The following SYT9 variants were observed in gnomAD, a reference collection of about 807,000 sequenced individuals.
SYT9 encodes synaptotagmin 9.
SYT9 carries 22 observed loss-of-function variants against 48.4 expected under a neutral mutation model. The ratio of observed to expected loss-of-function variants is 0.45; its 90% confidence interval spans 0.32 to 0.65. SYT9 has a LOEUF of 0.65. Ranked by LOEUF, SYT9 falls within the 30% of genes least tolerant of loss-of-function variation. The pLI, the probability that SYT9 is intolerant of heterozygous loss-of-function variation, is 0.03. For synonymous variants in SYT9, 265 were observed against 245.0 expected, an observed-to-expected ratio of 1.08 and a Z score of -0.76; for missense variants, 577 against 622.0, an observed-to-expected ratio of 0.93 and a Z score of 0.77.
intron 3 of SYT9, among the ~76,000 whole-genome samples, chr11:7,381,153 C>T (rs1408221401): frequency 2.0e-5 from 3 of 152,144 alleles, no homozygotes; most frequent in Non-Finnish European, 4.4e-5. Context: ...CTATCCAGAT[C>T]ATCCATAAGG....
chr11:7,388,071 A>C (rs1009636731), intron 3 of SYT9, among the ~76,000 whole-genome samples: 1 of 152,120 alleles, frequency 6.6e-6, no homozygotes, highest in Non-Finnish European at 1.5e-5. Context: ...ATTTGCACAT[A>C]TTGCGTTTAC....
In SYT9 at chr11:7,425,879, G is replaced by A. The variant is rs140360394; in HGVS notation, c.1467+5244G>A. Among the ~76,000 whole-genome samples the A allele has an allele frequency of 6.6e-5, 10 of 152,270 alleles. No individual in the cohort carries two copies. In the South Asian group the frequency reaches 8.3e-4, roughly 13 times the overall value. ...CTCCCCCCCAATATAGTCCAGCATCGTGTCTCATGTCTCAGTGTCTCTGAG... is the reference window on the plus strand; with the variant it reads ...CTCCCCCCCAATATAGTCCAGCATCATGTCTCATGTCTCAGTGTCTCTGAG... On this transcript the variant is annotated intron_variant, in intron 6 of 6. Coordinates refer to ENST00000318881, the MANE Select transcript of SYT9 (RefSeq NM_175733.4).
chr11:7,273,261 A>G (rs1184030903), intron 1 of SYT9, among the ~76,000 whole-genome samples: 1 of 152,214 alleles, frequency 6.6e-6, no homozygotes, highest in East Asian at 1.9e-4. Flanking sequence ...GAAATGAAAA[A>G]AAGAGTTTCA....
chr11:7,243,453 T>C (rs996667517), intron 1 of SYT9, among the ~76,000 whole-genome samples: 1 of 152,138 alleles, frequency 6.6e-6, no homozygotes, highest in Non-Finnish European at 1.5e-5. Context: ...ATATAGTGGA[T>C]CTCTCCCTCT....
At chr11:7,355,811 C>A (rs538879594) in intron 3 of SYT9, among the ~76,000 whole-genome samples, 1 of 152,296 alleles carries the variant, frequency 6.6e-6, no homozygotes, top group South Asian at 2.1e-4. Flanking sequence ...TGGAGGTCCA[C>A]GATTCTAATA....
intron 3 of SYT9, among the ~76,000 whole-genome samples, chr11:7,414,551 A>G (rs1389195206): frequency 2.0e-5 from 3 of 152,252 alleles, no homozygotes; most frequent in Non-Finnish European, 4.4e-5. Context: ...CCAGTCGTAT[A>G]GAATTCTAGT....
At chr11:7,464,760 G>A (rs1848298456) in intron 6 of SYT9, among the ~76,000 whole-genome samples, 1 of 152,076 alleles carries the variant, frequency 6.6e-6, no homozygotes, top group Admixed American at 6.5e-5. Flanking sequence ...GGGAACCACG[G>A]GCCTGATGTA....
chr11:7,271,019 T>C (rs1051812668), intron 1 of SYT9, among the ~76,000 whole-genome samples: 3 of 152,040 alleles, frequency 2.0e-5, no homozygotes, highest in Non-Finnish European at 2.9e-5. Context: ...GGAAGACTTA[T>C]ATAAATAAAG....
intron 6 of SYT9, among the ~76,000 whole-genome samples, chr11:7,434,751 C>A (rs190357783): frequency 6.6e-6 from 1 of 152,294 alleles, no homozygotes; most frequent in East Asian, 1.9e-4. Context: ...CACTTATAAT[C>A]TTAAATTTGC....
Position 7,390,077 on chromosome 11 carries a change from C to T in SYT9, c.1045-25965C>T, listed in dbSNP as rs547405781. Among the ~76,000 whole-genome samples the T allele has an allele frequency of 3.8e-4, 58 of 152,160 alleles. 1 individual carries two copies. The highest frequency in any genetic ancestry group is 7.4e-5 in the Non-Finnish European group (5 of 68,002). On this transcript the variant is annotated intron_variant, in intron 3 of 6. Transcript: ENST00000318881. ...GTATACGTGTGCCATGTGGGTTTGC[C>T]GCACCCATCAACTCGTCATTTACAT...
At chr11:7,291,076 G>A (rs968219582) in intron 1 of SYT9, among the ~76,000 whole-genome samples, 2 of 152,200 alleles carry the variant, frequency 1.3e-5, no homozygotes, top group African/African-American at 4.8e-5. Flanking sequence ...TGACTTAGCG[G>A]GAAGAAAGTT....
In SYT9 at chr11:7,466,906, C is replaced by A; in HGVS notation, c.*106C>A. 1.4e-6 allele frequency: 2 copies of A among 1,389,372 alleles called. No individual in the cohort carries two copies. The highest frequency in any genetic ancestry group is 2.0e-6 in the Non-Finnish European group (2 of 989,970). The allele number at this position is 1,389,372 out of a possible 1,614,324, so 86.1% of individuals were successfully genotyped here. A position where few individuals can be genotyped will look rare whatever the true frequency, so the allele number is the denominator to read the frequency against. On this transcript the variant is annotated 3_prime_UTR_variant, in exon 7 of 7. Coordinates refer to ENST00000318881, the MANE Select transcript of SYT9 (RefSeq NM_175733.4). Reference sequence around the variant, plus strand: ...AGCAACATCCAGACGATTTCAGTGACCAAATGCTCAGCTGTAACCACAGCA... The same window carrying A: ...AGCAACATCCAGACGATTTCAGTGAACAAATGCTCAGCTGTAACCACAGCA...
At chr11:7,462,688 G>T (rs899318181) in intron 6 of SYT9, among the ~76,000 whole-genome samples, 1 of 152,158 alleles carries the variant, frequency 6.6e-6, no homozygotes, top group Non-Finnish European at 1.5e-5. Flanking sequence ...TGAGATTTTT[G>T]TGCTTTTTAA....
chr11:7,390,897 G>C (rs1035976296), intron 3 of SYT9, among the ~76,000 whole-genome samples: 1 of 152,082 alleles, frequency 6.6e-6, no homozygotes, highest in African/African-American at 2.4e-5. Context: ...CTGATGCTGA[G>C]GTTTGGGCTT....
At chr11:7,295,860 G>T (rs1848795579) in intron 1 of SYT9, among the ~76,000 whole-genome samples, 1 of 152,102 alleles carries the variant, frequency 6.6e-6, no homozygotes, top group South Asian at 2.1e-4. Flanking sequence ...TGAGGGCAAG[G>T]ATTCGTTTTA....
chr11:7,329,819 G>C (rs1248004922), intron 3 of SYT9, among the ~76,000 whole-genome samples: 1 of 152,188 alleles, frequency 6.6e-6, no homozygotes, highest in East Asian at 1.9e-4. Context: ...TATTGAATCT[G>C]AGTCTGAAAT....
At chr11:7,390,677 C>A (rs2134059890) in intron 3 of SYT9, among the ~76,000 whole-genome samples, 1 of 152,198 alleles carries the variant, frequency 6.6e-6, no homozygotes, top group South Asian at 2.1e-4. Flanking sequence ...TACATTGTTT[C>A]CAAGTGCATT....
chr11:7,348,777 G>A (rs1196367987), intron 3 of SYT9, among the ~76,000 whole-genome samples: 1 of 139,150 alleles, frequency 7.2e-6, no homozygotes, highest in African/African-American at 2.7e-5. Context: ...TTTTAAAATG[G>A]GTTTTTCTTT....
intron 3 of SYT9, among the ~76,000 whole-genome samples, chr11:7,321,471 T>A (rs1446003819): frequency 6.6e-6 from 1 of 152,212 alleles, no homozygotes; most frequent in South Asian, 2.1e-4. Context: ...TATTTATTAA[T>A]TTGAATCCCT....
Sources: gnomAD v4.1 joint callset for allele counts (sites outside exome capture counted in the v4.1 genomes callset) on GRCh38, gnomAD v4.1.1 for gene constraint, MANE v1.5 for transcripts, NCBI Gene and HGNC (gene_info 2026-07-23, HGNC 2026-07-21) for gene names.